The following RFC3 variants were observed in gnomAD, a reference collection of about 807,000 sequenced individuals.
RFC3 encodes A1 38 kDa subunit.
A neutral mutation model predicts 45.1 loss-of-function variants in RFC3; 41 were observed. The observed-to-expected ratio is 0.91, with a 90% CI of 0.71 to 1.18. The LOEUF (loss-of-function observed/expected upper bound fraction) is 1.18. Among genes scored for constraint, RFC3 ranks in the 50% most tolerant of loss-of-function variants. RFC3 has a pLI of 0.00. For missense variants in RFC3, 423 were observed against 428.1 expected (o/e 0.99, Z 0.10); for synonymous variants, 149 against 144.0 (o/e 1.03, Z -0.25).
chr13:33,973,267 T>A, the RFC3 span, among the ~76,000 whole-genome samples: 1 of 151,974 alleles, frequency 6.6e-6, no homozygotes, highest in Non-Finnish European at 1.5e-5. Flanking sequence ...GGAGGAGAGA[T>A]TTGGTCAGAT....
intron 8 of RFC3, among the ~76,000 whole-genome samples, chr13:33,856,525 T>C (rs2082309919): frequency 6.6e-6 from 1 of 152,168 alleles, no homozygotes; most frequent in South Asian, 2.1e-4. Flanking sequence ...TAATTGTAAA[T>C]GGTAAATGCA....
intron 8 of RFC3, among the ~76,000 whole-genome samples, chr13:33,851,631 G>A (rs1398097926): frequency 6.6e-6 from 1 of 151,980 alleles, no homozygotes; most frequent in East Asian, 1.9e-4. Flanking sequence ...GCTGTCTCAG[G>A]GGTGGCAGAG....
downstream of RFC3, among the ~76,000 whole-genome samples, chr13:33,838,351 T>TA (rs546398807): frequency 3.9e-5 from 6 of 152,202 alleles, no homozygotes; most frequent in South Asian, 1.2e-3. Context: ...GAGTATTTCT[T>TA]ATAGCGTACG....
intron 7 of RFC3, among the ~76,000 whole-genome samples, chr13:33,834,670 T>C (rs2082137020): frequency 6.6e-6 from 1 of 152,126 alleles, no homozygotes; most frequent in Admixed American, 6.6e-5. Flanking sequence ...ACCTATGTAA[T>C]TGACTTTTTA....
At chr13:33,830,443 A>G (rs1277397954) in intron 5 of RFC3, among the ~76,000 whole-genome samples, 1 of 152,142 alleles carries the variant, frequency 6.6e-6, no homozygotes, top group African/African-American at 2.4e-5. Context: ...ACATAGATAT[A>G]TTTTTTTCTC....
intron 8 of RFC3, among the ~76,000 whole-genome samples, chr13:33,960,601 G>A (rs1429143310): frequency 6.6e-6 from 1 of 152,160 alleles, no homozygotes; most frequent in East Asian, 1.9e-4. Context: ...CAATATCAAA[G>A]GTGTTTTGGG....
chr13:33,912,244 G>A (rs2082707712), intron 8 of RFC3, among the ~76,000 whole-genome samples: 1 of 151,980 alleles, frequency 6.6e-6, no homozygotes. Flanking sequence ...TTCGACAAAT[G>A]GAGCTTTCAT....
At chr13:33,851,910 T>C (rs1445342245) in intron 8 of RFC3, among the ~76,000 whole-genome samples, 1 of 152,176 alleles carries the variant, frequency 6.6e-6, no homozygotes, top group Non-Finnish European at 1.5e-5. Flanking sequence ...CCCCAAACTG[T>C]GAAGTTGAAG....
chr13:33,956,383 A>G (rs1028932769), intron 8 of RFC3, among the ~76,000 whole-genome samples: 3 of 152,214 alleles, frequency 2.0e-5, no homozygotes, highest in Non-Finnish European at 1.5e-5. Flanking sequence ...CCACGTTGGT[A>G]TAAGATATTT....
intron 8 of RFC3, among the ~76,000 whole-genome samples, chr13:33,956,104 C>T (rs2083020364): frequency 6.6e-6 from 1 of 152,084 alleles, no homozygotes. Context: ...AAATGCAGAC[C>T]TCTCTGCCAG....
intron 8 of RFC3, among the ~76,000 whole-genome samples, chr13:33,881,997 A>T (rs981079089): frequency 6.6e-6 from 1 of 152,130 alleles, no homozygotes; most frequent in African/African-American, 2.4e-5. Context: ...AATAAGTGTA[A>T]ATTATTTAAC....
intron 8 of RFC3, among the ~76,000 whole-genome samples, chr13:33,952,341 A>T (rs984712982): frequency 2.6e-5 from 4 of 152,250 alleles, no homozygotes; most frequent in African/African-American, 9.6e-5. Context: ...AAGACTACTG[A>T]TAATGGAAGC....
At position 33,886,171 on chromosome 13, in the gene RFC3, A is replaced by G. The variant is rs553899576; in HGVS notation, c.879+50954A>G. On this transcript the variant is annotated intron_variant, in intron 8 of 8. Transcript: ENST00000434425. Reference sequence around the variant, plus strand: ...AGGATAGAAGCTGCATGTTGAGGACAGAAGTGAAATGATGGAAAAAGCCGC... The same window carrying G: ...AGGATAGAAGCTGCATGTTGAGGACGGAAGTGAAATGATGGAAAAAGCCGC... Among the ~76,000 whole-genome samples, 8 of 152,346 alleles carry G rather than the reference A, an allele frequency of 5.3e-5. No homozygotes were observed. The South Asian group carries it at 1.7e-3, about 32-fold the overall frequency.
At chr13:33,942,521 T>A (rs544627012) in intron 8 of RFC3, among the ~76,000 whole-genome samples, 4 of 152,296 alleles carry the variant, frequency 2.6e-5, no homozygotes, top group Non-Finnish European at 5.9e-5. Flanking sequence ...CACTTAGAGT[T>A]TCAACATCAA....
At chr13:33,873,774 G>C (rs1017880229) in intron 8 of RFC3, among the ~76,000 whole-genome samples, 1 of 152,162 alleles carries the variant, frequency 6.6e-6, no homozygotes, top group Non-Finnish European at 1.5e-5. Flanking sequence ...TATGTGATGT[G>C]CTCAGTTCAT....
intron 8 of RFC3, among the ~76,000 whole-genome samples, chr13:33,864,971 A>C (rs1222732450): frequency 6.6e-6 from 1 of 152,204 alleles, no homozygotes; most frequent in Non-Finnish European, 1.5e-5. Flanking sequence ...TGATGAAAAT[A>C]ATCGATTGAT....
chr13:33,876,653 A>G (rs1163847893), intron 8 of RFC3, among the ~76,000 whole-genome samples: 3 of 152,206 alleles, frequency 2.0e-5, no homozygotes, highest in Non-Finnish European at 4.4e-5. Flanking sequence ...AATTTCTAAC[A>G]CATGAGAAGG....
At chr13:33,955,484 AG>A (rs1347998516) in intron 8 of RFC3, among the ~76,000 whole-genome samples, 9 of 152,174 alleles carry the variant, frequency 5.9e-5, no homozygotes, top group Non-Finnish European at 1.2e-4. Flanking sequence ...TACCTGAAGG[AG>A]GGGCGTGAAA....
intron 8 of RFC3, among the ~76,000 whole-genome samples, chr13:33,924,022 C>T (rs908789615): frequency 1.3e-5 from 2 of 152,042 alleles, no homozygotes; most frequent in African/African-American, 4.8e-5. Flanking sequence ...CAGGGCTCAG[C>T]GCTTTCTTAG....
Sources: gnomAD v4.1 joint callset for allele counts (sites outside exome capture counted in the v4.1 genomes callset) on GRCh38, gnomAD v4.1.1 for gene constraint, MANE v1.5 for transcripts, NCBI Gene and HGNC (gene_info 2026-07-23, HGNC 2026-07-21) for gene names.